Variants in CTH observed in about 807,000 individuals in gnomAD.
CTH encodes cystathionine gamma-lyase.
CTH carries 41 observed loss-of-function variants against 50.6 expected under a neutral mutation model. The ratio of observed to expected loss-of-function variants is 0.81; its 90% CI spans 0.63 to 1.05. CTH has a LOEUF of 1.05. Ranked by LOEUF, CTH falls within the 50% of genes least tolerant of loss-of-function variation. CTH has a pLI of 0.00. For missense variants in CTH, 470 were observed against 492.6 expected (o/e 0.95, Z 0.43); for synonymous variants, 156 against 168.9 (o/e 0.92, Z 0.59).
chr1:70,429,399 C>T (rs1684416199), intron 5 of CTH, among the ~76,000 whole-genome samples: 1 of 152,138 alleles, frequency 6.6e-6, no homozygotes, highest in Non-Finnish European at 1.5e-5. Flanking sequence ...ACTTACTCTA[C>T]ATAAAAATTG....
At chr1:70,426,941 A>G (rs1390081457) in intron 5 of CTH, among the ~76,000 whole-genome samples, 1 of 152,084 alleles carries the variant, frequency 6.6e-6, no homozygotes, top group Non-Finnish European at 1.5e-5. Context: ...TCTTTCTCCT[A>G]TTACTGTCAC....
intron 10 of CTH, among the ~76,000 whole-genome samples, chr1:70,436,436 C>T (rs1409850325): frequency 6.6e-6 from 1 of 152,134 alleles, no homozygotes; most frequent in African/African-American, 2.4e-5. Flanking sequence ...GCTACTATGA[C>T]CATATGTTGT....
intron 9 of CTH, among the ~76,000 whole-genome samples, chr1:70,434,429 CT>C (rs1218651692): frequency 2.6e-5 from 4 of 152,194 alleles, no homozygotes; most frequent in Non-Finnish European, 5.9e-5. Flanking sequence ...ATACACTGGG[CT>C]TAACCTTGAG....
chr1:70,415,314 G>A (rs868277666), intron 1 of CTH, among the ~76,000 whole-genome samples: 19 of 152,058 alleles, frequency 1.2e-4, no homozygotes, highest in Admixed American at 2.0e-4. Context: ...TGAGATCGGA[G>A]GATTGCTTAA....
Position 70,439,123 on chromosome 1 carries a change from G to C in CTH, c.1214G>C (p.Ser405Thr). 1.9e-6 allele frequency: 3 copies of C among 1,611,716 alleles called. No homozygotes were observed. The South Asian group carries it at 3.3e-5, about 18-fold the overall frequency. ...KAAHPPSGSH[S>T] ...TAGCACCCTCCAAGTGGAAGTCACAGCTAGTATTCCAGAGCTGCTATTAGA... is the reference window on the plus strand; with the variant it reads ...TAGCACCCTCCAAGTGGAAGTCACACCTAGTATTCCAGAGCTGCTATTAGA... Residue 405 changes from serine to threonine, a missense_variant, in exon 12 of 12, where the codon AGC (serine) becomes ACC (threonine). Transcript: ENST00000370938.
At chr1:70,438,879 C>T (rs541334870) in intron 11 of CTH, 53 bp downstream of exon 11, 1 of 1,563,780 alleles carries the variant, frequency 6.4e-7, no homozygotes, top group South Asian at 1.1e-5. Context: ...TCTGCTTTAT[C>T]TTGGGCATGG....
chr1:70,418,532 G>C (rs927752529), intron 3 of CTH, among the ~76,000 whole-genome samples: 1 of 152,170 alleles, frequency 6.6e-6, no homozygotes, highest in African/African-American at 2.4e-5. Context: ...TTACGGGCGC[G>C]AGCCGCCTCA....
intron 2 of CTH, among the ~76,000 whole-genome samples, chr1:70,416,417 G>T (rs945260707): frequency 2.0e-5 from 3 of 152,026 alleles, no homozygotes; most frequent in Non-Finnish European, 4.4e-5. Context: ...TTGAGACAGG[G>T]TCTCTCATTC....
At chr1:70,419,014 C>T (rs1684156295) in intron 3 of CTH, among the ~76,000 whole-genome samples, 1 of 135,176 alleles carries the variant, frequency 7.4e-6, no homozygotes, top group Admixed American at 7.7e-5. Flanking sequence ...GTGATGTTCC[C>T]CTTCCTGTGT....
At chr1:70,429,633 G>A (rs560081829) in intron 5 of CTH, among the ~76,000 whole-genome samples, 161 bp from the exon 6 acceptor site, 1 of 152,298 alleles carries the variant, frequency 6.6e-6, no homozygotes, top group Non-Finnish European at 1.5e-5. Context: ...GGAGGCAAAG[G>A]AGAAATAATA....
chr1:70,417,882 GTTGT>G (rs1337479231), intron 2 of CTH, 51 bp from the exon 3 acceptor site: 1 of 1,598,114 alleles, frequency 6.3e-7, no homozygotes, highest in East Asian at 2.2e-5. Flanking sequence ...TTGGAGGTGT[GTTGT>G]AACCTATAGG....
In CTH at chr1:70,432,081, A is replaced by T. The variant is rs777635779; in HGVS notation, c.725-2A>T. 1 of 1,613,968 alleles carries T rather than the reference A, an allele frequency of 6.2e-7. No homozygotes were observed. The highest frequency in any genetic ancestry group is 8.5e-7 in the Non-Finnish European group (1 of 1,179,996). On this transcript the variant is annotated splice_acceptor_variant, in intron 7 of 11. Coordinates refer to ENST00000370938, the MANE Select transcript of CTH (RefSeq NM_001902.6). LOFTEE classifies it high-confidence loss of function. ...CTTATCCAGGATGTGTTCATTTTGC[A>T]GCTCTTGGAGCAGTTCCATCTCCTA...
chr1:70,417,836 G>C (rs947642012), intron 2 of CTH, 101 bp from the exon 3 acceptor site: 8 of 1,282,156 alleles, frequency 6.2e-6, no homozygotes, highest in African/African-American at 1.5e-5. Flanking sequence ...AGCAGTGATG[G>C]CTTCCTATCT....
In CTH at chr1:70,424,429, A is replaced by C; in HGVS notation, c.588+13A>C. 1 of 1,613,854 alleles carries C rather than the reference A, an allele frequency of 6.2e-7. No homozygotes were observed. Among genetic ancestry groups the C allele is most frequent in the Non-Finnish European group, 8.5e-7 (1 of 1,179,838 alleles). On this transcript the variant is annotated intron_variant, in intron 5 of 11. Coordinates refer to ENST00000370938, the MANE Select transcript of CTH (RefSeq NM_001902.6). The stretch of plus-strand genomic sequence containing the variant: ...ACCATATTTCCAGGTAAATGAAAAT[A>C]ATTTTTTTTGGCACAATTAGTAGAC...
At chr1:70,422,155 A>G (rs1017923626) in intron 4 of CTH, among the ~76,000 whole-genome samples, 13 of 152,212 alleles carry the variant, frequency 8.5e-5, no homozygotes, top group African/African-American at 3.1e-4. Flanking sequence ...ATAGAAAAAG[A>G]AGCCTGCCAA....
intron 8 of CTH, 147 bp downstream of exon 8, chr1:70,432,382 C>T (rs778205632): frequency 7.3e-6 from 7 of 953,750 alleles, no homozygotes; most frequent in Non-Finnish European, 1.1e-5. Flanking sequence ...GTGTCAGGCT[C>T]TGTGGTGGGT....
rs541093169 is a variant in CTH, at chr1:70,434,047, T to G, written c.999+98T>G. ...TCAAGCCAGATAATGTTTTTGTATC[T>G]GCAGGTTACACTCATAAACCTCTTT... is the stretch of plus-strand genomic sequence containing the variant. On this transcript the variant is annotated intron_variant, in intron 9 of 11. Transcript: ENST00000370938. 34 of 1,568,466 alleles carry G rather than the reference T, an allele frequency of 2.2e-5. No individual in the cohort carries two copies. The East Asian group carries it at 2.3e-4, about 11-fold the overall frequency.
At chr1:70,415,371 T>G (rs1352031297) in intron 1 of CTH, among the ~76,000 whole-genome samples, 3 of 151,896 alleles carry the variant, frequency 2.0e-5, no homozygotes, top group Non-Finnish European at 4.4e-5. Flanking sequence ...CCCACCGTAC[T>G]CTAGCCTGGG....
rs534566314 is a variant in CTH, at chr1:70,425,752, A to G, written c.588+1336A>G. Among the ~76,000 whole-genome samples, 15 of 152,248 alleles carry G rather than the reference A, an allele frequency of 9.9e-5. No individual in the cohort carries two copies. The East Asian group carries it at 2.9e-3, about 29-fold the overall frequency. On this transcript the variant is annotated intron_variant, in intron 5 of 11. Coordinates refer to ENST00000370938, the MANE Select transcript of CTH (RefSeq NM_001902.6). ...GGGAAGGTGCTACACACTTTTAAACAACCAAATCTCACAAGAACTCACTCA... is the reference window on the plus strand; with the variant it reads ...GGGAAGGTGCTACACACTTTTAAACGACCAAATCTCACAAGAACTCACTCA...
Sources: gnomAD v4.1 joint callset for allele counts (sites outside exome capture counted in the v4.1 genomes callset) on GRCh38, gnomAD v4.1.1 for gene constraint, MANE v1.5 for transcripts, NCBI Gene and HGNC (gene_info 2026-07-23, HGNC 2026-07-21) for gene names.